Variants in SLC25A36 observed in about 807,000 individuals in gnomAD.
The protein encoded by SLC25A36 is solute carrier family 25 member 36.
Under a neutral mutation model 35.3 loss-of-function variants are expected in SLC25A36, and 24 were observed. The ratio of observed to expected loss-of-function variants is 0.68; its 90% confidence interval spans 0.49 to 0.96. The LOEUF (loss-of-function observed/expected upper bound fraction) is 0.96, where lower values mean the gene tolerates loss of function less well. Ranked by LOEUF, SLC25A36 falls within the 40% of genes least tolerant of loss-of-function variation. The pLI is 0.00. For missense variants in SLC25A36, 294 were observed against 381.1 expected (o/e 0.77, Z 1.90); for synonymous variants, 141 against 132.2 (o/e 1.07, Z -0.46).
In SLC25A36 at chr3:140,971,463, C is replaced by G. The variant is rs563563023; in HGVS notation, c.452+470C>G. Among the ~76,000 whole-genome samples the G allele has an allele frequency of 3.9e-5, 6 of 152,250 alleles. No homozygotes were observed. The South Asian group carries it at 1.2e-3, about 32-fold the overall frequency. On this transcript the variant is annotated intron_variant, in intron 5 of 6. Transcript: ENST00000324194. Reference sequence around the variant, plus strand: ...TCATATATCGTCTGTTACCACTGACCACTTTATAATAGCAAGATTCATTCA... The same window carrying G: ...TCATATATCGTCTGTTACCACTGACGACTTTATAATAGCAAGATTCATTCA...
At position 140,956,585 on chromosome 3, in the gene SLC25A36, C is replaced by G. The variant is rs777105801; in HGVS notation, c.100C>G (p.Leu34Val). ...TCCACTGGAAGTTGTAAAAACACGA[C>G]TGCAGTCATCTTCTGTGACGCTTTA... ...TCPLEVVKTRLQSSSVTLYIS... is the reference protein window; with the variant it reads ...TCPLEVVKTRVQSSSVTLYIS... The change falls in exon 2 of 7, where the codon CTG (leucine) becomes GTG (valine). Residue 34 changes from leucine (L) to valine (V), a missense_variant. This residue lies in a region of SLC25A36 where 185 missense variants were observed against 201.5 expected (regional missense o/e 0.92). Coordinates refer to ENST00000324194, the MANE Select transcript of SLC25A36 (RefSeq NM_001104647.3). 6.2e-7 allele frequency: 1 copy of G among 1,612,536 alleles called. No individual in the cohort carries two copies. Among genetic ancestry groups the G allele is most frequent in the South Asian group, 1.1e-5 (1 of 91,022 alleles).
In SLC25A36 at chr3:140,959,299, G is replaced by A. The variant is rs138766988; in HGVS notation, c.207-164G>A. 8.9e-4 allele frequency among the ~76,000 whole-genome samples: 136 copies of A among 152,140 alleles called. 2 individuals are homozygous for A. The East Asian group carries it at 0.023, about 26-fold the overall frequency. ...CAAAGTGCTGAAATTACAGGCATGAGCCACCATGCCTGGCCACAAATTTTT... is the reference window on the plus strand; with the variant it reads ...CAAAGTGCTGAAATTACAGGCATGAACCACCATGCCTGGCCACAAATTTTT... On this transcript the variant is annotated intron_variant, in intron 2 of 6. Transcript: ENST00000324194.
At chr3:140,950,793 C>T (rs568448590) in intron 1 of SLC25A36, among the ~76,000 whole-genome samples, 94 of 152,112 alleles carry the variant, frequency 6.2e-4, no homozygotes, top group Non-Finnish European at 1.2e-3. Context: ...GTTTTTGCAT[C>T]CTTTGTTCCT....
intron 1 of SLC25A36, among the ~76,000 whole-genome samples, chr3:140,948,816 G>A (rs1576476501): frequency 6.6e-6 from 1 of 152,196 alleles, no homozygotes; most frequent in African/African-American, 2.4e-5. Flanking sequence ...AGATCTAGTG[G>A]TTCAGCAGCT....
At position 140,976,327 on chromosome 3, in the gene SLC25A36, G is replaced by A; in HGVS notation, c.810G>A (p.Leu270=). Residue 270 remains leucine, a synonymous_variant, in exon 7 of 7, where the codon TTG becomes TTA. Transcript: ENST00000324194. ...GATCTTTTTTTCAGACTCTATCTTT[G>A]CTTGTTCAAGAAGAAGGTTATGGGT... is the stretch of plus-strand genomic sequence containing the variant. ...KYRSFFQTLS[L]LVQEEGYGSL... is the part of the protein sequence containing the mutation. 3 of 1,613,592 alleles carry A rather than the reference G, an allele frequency of 1.9e-6. No individual in the cohort carries two copies. Among genetic ancestry groups the A allele is most frequent in the Non-Finnish European group, 2.5e-6 (3 of 1,179,776 alleles).
chr3:140,961,498 AT>A (rs922588994), intron 3 of SLC25A36, among the ~76,000 whole-genome samples: 1 of 152,072 alleles, frequency 6.6e-6, no homozygotes, highest in Non-Finnish European at 1.5e-5. Context: ...TAGGAAGTAT[AT>A]TTTTTTAGGA....
At position 140,977,092 on chromosome 3, in the gene SLC25A36, C is replaced by G. The variant is rs1200777351; in HGVS notation, c.*639C>G. ...GTGGATATTTAAATTGTTAACATAC[C>G]AAACACACATGGTAATAGTTTGGGA... On this transcript the variant is annotated 3_prime_UTR_variant, in exon 7 of 7. Transcript: ENST00000324194. 2 of 152,024 alleles carry G rather than the reference C, an allele frequency of 1.3e-5. No homozygotes were observed. The highest frequency in any genetic ancestry group is 1.3e-4 in the Admixed American group (2 of 15,244). 9.4% of individuals were successfully genotyped at this position (152,024 alleles called of 1,614,324 possible). A position where few individuals can be genotyped will look rare whatever the true frequency, so the allele number is the denominator to read the frequency against.
chr3:140,968,893 G>C (rs1026188658), intron 4 of SLC25A36, among the ~76,000 whole-genome samples: 1 of 151,430 alleles, frequency 6.6e-6, no homozygotes, highest in Admixed American at 6.6e-5. Context: ...CCAGTTTTAA[G>C]CTTTTAAAAT....
chr3:140,976,439 C>A lies in SLC25A36; in HGVS notation c.922C>A (p.Leu308Ile). 1 of 1,611,800 alleles carries A rather than the reference C, an allele frequency of 6.2e-7. No individual in the cohort carries two copies. ...GGCCACCTATGAATTGGTGGTTTAC[C>A]TACTCAATGGATAGCAGCACGAGGA... is the stretch of plus-strand genomic sequence containing the variant. ...MMATYELVVY[L>I]LNG Residue 308 changes from leucine to isoleucine, a missense_variant, in exon 7 of 7, where the codon CTA becomes ATA. Physicochemically the swap from Leu to Ile is conservative, Grantham distance 5. This residue lies in a region of SLC25A36 where 109 missense variants were observed against 179.7 expected (regional missense o/e 0.61). Transcript: ENST00000324194.
chr3:140,959,200 G>A (rs1368386771), intron 2 of SLC25A36, among the ~76,000 whole-genome samples: 5 of 151,710 alleles, frequency 3.3e-5, no homozygotes, highest in African/African-American at 1.2e-4. Flanking sequence ...ATTTTTATTA[G>A]CAACGAGGTT....
intron 1 of SLC25A36, among the ~76,000 whole-genome samples, chr3:140,956,056 A>G (rs1934471371): frequency 6.6e-6 from 1 of 152,172 alleles, no homozygotes; most frequent in Admixed American, 6.5e-5. Flanking sequence ...TAAGAGAACT[A>G]TGTATGGTTA....
chr3:140,968,593 T>C, intron 4 of SLC25A36: 2 of 931,310 alleles, frequency 2.1e-6, no homozygotes, highest in Non-Finnish European at 2.6e-6. Context: ...AATTATAATT[T>C]ATGGGTCTTT....
intron 4 of SLC25A36, among the ~76,000 whole-genome samples, chr3:140,969,428 TGTA>T (rs1210969147): frequency 6.6e-6 from 1 of 151,938 alleles, no homozygotes; most frequent in Non-Finnish European, 1.5e-5. Context: ...TACTTACATA[TGTA>T]GTATTAAAAG....
intron 1 of SLC25A36, among the ~76,000 whole-genome samples, chr3:140,955,228 T>C (rs764194634): frequency 6.6e-5 from 10 of 152,146 alleles, no homozygotes; most frequent in Admixed American, 4.6e-4. Flanking sequence ...AACATTGCCA[T>C]GCCTGCTTTC....
At chr3:140,960,129 T>C (rs1456184947) in intron 3 of SLC25A36, among the ~76,000 whole-genome samples, 1 of 152,142 alleles carries the variant, frequency 6.6e-6, no homozygotes, top group African/African-American at 2.4e-5. Flanking sequence ...CTAGTGGCAG[T>C]GTATTGAGTC....
chr3:140,969,544 T>C (rs1045597283), intron 4 of SLC25A36, among the ~76,000 whole-genome samples: 2 of 151,872 alleles, frequency 1.3e-5, no homozygotes, highest in African/African-American at 4.8e-5. Context: ...ATAGATTTAA[T>C]TGGAGCATCC....
chr3:140,951,653 T>TTG lies in SLC25A36; in HGVS notation c.42-4860_42-4859dup, dbSNP rs530126974. Among the ~76,000 whole-genome samples, 887 of 151,406 alleles carry TTG rather than the reference T, an allele frequency of 5.9e-3. 6 individuals carry two copies. The highest frequency in any genetic ancestry group is 0.02 in the African/African-American group (806 of 41,324). On this transcript the variant is annotated intron_variant, in intron 1 of 6. Transcript: ENST00000324194. ...CGTGCACCACCACGCCTGGCTAATT[T>TTG]TGTGTGTGTGTGTGTATTTTCAGTA...
At chr3:140,949,954 G>C (rs946673184) in intron 1 of SLC25A36, among the ~76,000 whole-genome samples, 62 of 152,182 alleles carry the variant, frequency 4.1e-4, no homozygotes, top group Non-Finnish European at 5.6e-4. Context: ...GACCAGTAAT[G>C]AGTGCCTGCT....
chr3:140,948,660 A>G (rs768066071), intron 1 of SLC25A36, among the ~76,000 whole-genome samples: 1 of 152,246 alleles, frequency 6.6e-6, no homozygotes, highest in African/African-American at 2.4e-5. Flanking sequence ...TGTTGACCTC[A>G]TCAGAAAATA....
Sources: allele counts gnomAD v4.1 joint callset (sites outside exome capture counted in the v4.1 genomes callset), GRCh38; gene constraint gnomAD v4.1.1; regional missense constraint gnomAD v4.1.1; transcripts MANE v1.5; gene names NCBI Gene and HGNC (gene_info 2026-07-23, HGNC 2026-07-21).